Variants in ADAM8 observed in about 807,000 individuals in gnomAD.
ADAM8 encodes disintegrin and metalloproteinase domain-containing protein 8.
Under a neutral mutation model 102.4 loss-of-function variants are expected in ADAM8, and 104 were observed. That is an observed-to-expected ratio of 1.02 (90% confidence interval 0.87 to 1.20). ADAM8 has a LOEUF of 1.20. Ranked by LOEUF, ADAM8 falls within the 50% of genes most tolerant of loss-of-function variation. The pLI, the probability that ADAM8 is intolerant of heterozygous loss-of-function variation, is 0.00. For synonymous variants in ADAM8, 517 were observed against 485.2 expected, an observed-to-expected ratio of 1.07 and a Z score of -0.86; for missense variants, 1,132 against 1,159.0, an observed-to-expected ratio of 0.98 and a Z score of 0.34.
chr10:133,269,286 A>T (rs557758164), intron 18 of ADAM8, 159 bp downstream of exon 18: 3 of 840,536 alleles, frequency 3.6e-6, no homozygotes, highest in Admixed American at 1.2e-4. Context: ...CAGCCTGGGG[A>T]CAGACAGGCT....
chr10:133,272,641 G>A (rs1846579639), intron 8 of ADAM8, 56 bp from the exon 9 acceptor site: 1 of 1,563,330 alleles, frequency 6.4e-7, no homozygotes, highest in East Asian at 2.3e-5. Flanking sequence ...GTACAGCAGG[G>A]AGGGTGGGTG....
chr10:133,270,019 C>A (rs1190586618), intron 16 of ADAM8, 45 bp from the exon 17 acceptor site: 3 of 1,595,844 alleles, frequency 1.9e-6, no homozygotes, highest in African/African-American at 2.7e-5. Context: ...TGGACCTCTG[C>A]CCCGCCAGCG....
At chr10:133,275,352 G>A in intron 2 of ADAM8, 132 bp downstream of exon 2, 2 of 651,002 alleles carry the variant, frequency 3.1e-6, no homozygotes, top group Non-Finnish European at 5.2e-6. Flanking sequence ...ATGGGCCCCA[G>A]GGGGCTAGAG....
rs1358584829 is a variant in ADAM8 at position 133,262,587 on chromosome 10, C to G, written c.*569G>C. 1.3e-5 allele frequency: 2 copies of G among 153,714 alleles called. No individual in the cohort carries two copies. The highest frequency in any genetic ancestry group is 2.9e-5 in the Non-Finnish European group (2 of 68,858). 9.5% of individuals were successfully genotyped at this position (153,714 alleles called of 1,614,324 possible). ...GGCGATTCCTAAGCTTAAACACACA[C>G]AAAGCTGGGGCTGTCCCTCTTGAAT... On this transcript the variant is annotated 3_prime_UTR_variant, in exon 23 of 23. Coordinates refer to ENST00000445355, the MANE Select transcript of ADAM8 (RefSeq NM_001109.5).
Position 133,272,176 on chromosome 10 carries a change from G to A in ADAM8, c.957+17C>T. ...CTCTGGCCTCGGCCTGGCAAACCCGGGCAGGAGCCCCCTCACCTGGTTCAC... is the reference window on the plus strand; with the variant it reads ...CTCTGGCCTCGGCCTGGCAAACCCGAGCAGGAGCCCCCTCACCTGGTTCAC... On this transcript the variant is annotated intron_variant, in intron 10 of 22. Coordinates refer to ENST00000445355, the MANE Select transcript of ADAM8 (RefSeq NM_001109.5). 6.5e-7 allele frequency: 1 copy of A among 1,549,688 alleles called. No individual in the cohort carries two copies. The highest frequency in any genetic ancestry group is 8.7e-7 in the Non-Finnish European group (1 of 1,146,570).
chr10:133,271,427 C>G, intron 12 of ADAM8, 101 bp downstream of exon 12: 1 of 1,471,680 alleles, frequency 6.8e-7, no homozygotes, highest in Non-Finnish European at 9.1e-7. Flanking sequence ...CCCACAGAGC[C>G]CCAAGTTCCA....
chr10:133,272,609 G>A (rs1488281352), intron 8 of ADAM8, 24 bp from the exon 9 acceptor site: 2 of 1,592,142 alleles, frequency 1.3e-6, no homozygotes, highest in Admixed American at 1.7e-5. Context: ...GGAGTCCTGG[G>A]GGTCAGGCAG....
At chr10:133,273,564 G>A (rs912087620) in intron 5 of ADAM8, 121 bp from the exon 6 acceptor site, 49 of 1,319,106 alleles carry the variant, frequency 3.7e-5, no homozygotes, top group African/African-American at 1.3e-4. Flanking sequence ...GCAGCCCCCC[G>A]CAGGTGACTT....
chr10:133,263,710 G>A lies in ADAM8; in HGVS notation c.2375C>T (p.Ala792Val), dbSNP rs540669904. Reference protein sequence around the residue: ...PVPPVKPGAGAANPGPAEGAV... With the variant: ...PVPPVKPGAGVANPGPAEGAV... ...CACCTCAGCTGGACCAGGGTTGGCCGCACCAGCCCCGGGTTTGACTGGGGG... is the reference window on the plus strand; with the variant it reads ...CACCTCAGCTGGACCAGGGTTGGCCACACCAGCCCCGGGTTTGACTGGGGG... Residue 792 changes from alanine (A) to valine (V), a missense_variant, in exon 22 of 23, where the codon GCG becomes GTG. By Grantham distance (64) the Ala-to-Val change is moderately conservative. Transcript: ENST00000445355. 7.8e-5 allele frequency: 120 copies of A among 1,544,532 alleles called. 1 individual carries two copies. The South Asian group carries it at 1.3e-3, about 17-fold the overall frequency.
intron 1 of ADAM8, 34 bp from the exon 2 acceptor site, chr10:133,275,621 CG>C: frequency 1.3e-5 from 16 of 1,255,484 alleles, no homozygotes; most frequent in South Asian, 1.6e-5. Flanking sequence ...CATGAGGGGC[CG>C]GGGGGCAGGT....
In ADAM8 at chr10:133,273,375, C is replaced by T. The variant is rs530568859; in HGVS notation, c.452G>A (p.Arg151Gln). The stretch of plus-strand genomic sequence containing the variant: ...GTGCTCAGCCTGGTACACGGCGTGC[C>T]GTCCGCCCTCGCCACCTTCATCCAG... ...EPLDEGGEGG[R>Q]HAVYQAEHLL... Residue 151 changes from arginine (R) to glutamine (Q), a missense_variant, in exon 6 of 23, where the codon CGG (arginine) becomes CAG (glutamine). By Grantham distance (43) the Arg-to-Gln change is conservative (BLOSUM62 1). Coordinates refer to ENST00000445355, the MANE Select transcript of ADAM8 (RefSeq NM_001109.5). The T allele has an allele frequency of 2.6e-6, 4 of 1,552,362 alleles. No individual in the cohort carries two copies. The highest frequency in any genetic ancestry group is 2.7e-5 in the African/African-American group (2 of 73,324).
intron 21 of ADAM8, among the ~76,000 whole-genome samples, chr10:133,264,602 A>G (rs143076468): frequency 0.024 from 3,583 of 152,296 alleles, 62 homozygotes; most frequent in Non-Finnish European, 0.036. Flanking sequence ...AGCCCGTGAG[A>G]GTGAAGAGTG....
intron 1 of ADAM8, 103 bp from the exon 2 acceptor site, chr10:133,275,690 C>T (rs997274702): frequency 3.2e-6 from 2 of 624,710 alleles, no homozygotes; most frequent in Middle Eastern, 4.1e-4. Context: ...GCTTGACCCT[C>T]CCCTGGGGAA....
In ADAM8 at chr10:133,270,169, G is replaced by A. The variant is rs560916494; in HGVS notation, c.1785+191C>T. 4.5e-4 allele frequency among the ~76,000 whole-genome samples: 69 copies of A among 152,312 alleles called. 1 individual carries two copies. In the South Asian group the frequency reaches 0.012, roughly 27 times the overall value. Reference sequence around the variant, plus strand: ...CCTGGGGCACGTGGCCGCCGGCGACGGCCATCAGATGAACTGAGAACCATG... The same window carrying A: ...CCTGGGGCACGTGGCCGCCGGCGACAGCCATCAGATGAACTGAGAACCATG... On this transcript the variant is annotated intron_variant, in intron 16 of 22. Coordinates refer to ENST00000445355, the MANE Select transcript of ADAM8 (RefSeq NM_001109.5).
chr10:133,267,351 C>A lies in ADAM8; in HGVS notation c.2319+1G>T. Reference sequence around the variant, plus strand: ...TTGGCCGCCCAATCACCACTGCTCACCTGCTTTGGTGCCTGCCGGGTGTAG... The same window carrying A: ...TTGGCCGCCCAATCACCACTGCTCAACTGCTTTGGTGCCTGCCGGGTGTAG... On this transcript the variant is annotated splice_donor_variant, in intron 21 of 22. Transcript: ENST00000445355. LOFTEE classifies it high-confidence loss of function. 6.2e-7 allele frequency: 1 copy of A among 1,607,340 alleles called. No individual in the cohort carries two copies. Among genetic ancestry groups the A allele is most frequent in the South Asian group, 1.1e-5 (1 of 89,230 alleles).
chr10:133,275,475 T>G lies in ADAM8; in HGVS notation c.150+9A>C. 1 of 1,532,090 alleles carries G rather than the reference T, an allele frequency of 6.5e-7. No homozygotes were observed. 94.9% of individuals were successfully genotyped at this position (1,532,090 alleles called of 1,614,324 possible). ...GCCAGGGACCCTCCCCAGGCCAGCTTAGACTCACCAAGTGGGAGGGCAGAG... is the reference window on the plus strand; with the variant it reads ...GCCAGGGACCCTCCCCAGGCCAGCTGAGACTCACCAAGTGGGAGGGCAGAG... On this transcript the variant is annotated intron_variant, in intron 2 of 22. Coordinates refer to ENST00000445355, the MANE Select transcript of ADAM8 (RefSeq NM_001109.5).
rs368126978 is a variant in ADAM8 at position 133,270,357 on chromosome 10, C to T, written c.1785+3G>A. On this transcript the variant is annotated splice_donor_region_variant and intron_variant, in intron 16 of 22. Transcript: ENST00000445355. ...TGGCGCGGCCTCTGAGCCAGGGGCT[C>T]ACCTTCTCTGGTCCACACCGGGTGC... 25 of 1,580,138 alleles carry T rather than the reference C, an allele frequency of 1.6e-5. No individual in the cohort carries two copies. The African/African-American group carries it at 3.2e-4, about 20-fold the overall frequency.
chr10:133,265,756 C>T (rs1476164837), intron 21 of ADAM8, among the ~76,000 whole-genome samples: 2 of 151,892 alleles, frequency 1.3e-5, no homozygotes, highest in Non-Finnish European at 2.9e-5. Context: ...TGAGATCGCG[C>T]CACTGCACTC....
chr10:133,263,739 TG>T lies in ADAM8; in HGVS notation c.2345del (p.Pro782GlnfsTer27). The T allele has an allele frequency of 3.9e-6, 6 of 1,532,960 alleles. No individual in the cohort carries two copies. Among genetic ancestry groups the T allele is most frequent in the East Asian group, 2.5e-5 (1 of 40,118 alleles). 95.0% of individuals were successfully genotyped at this position (1,532,960 alleles called of 1,614,324 possible). A position where few individuals can be genotyped will look rare whatever the true frequency, so the allele number is the denominator to read the frequency against. On this transcript the variant is annotated frameshift_variant, in exon 22 of 23. Transcript: ENST00000445355. LOFTEE classifies it high-confidence loss of function. Reference protein sequence around the residue: ...KQVIKPTFAPPVPPVKPGAGA... With the variant: ...KQVIKPTFAPXVPPVKPGAGA... ...CAGCCCCGGGTTTGACTGGGGGCAC[TG>T]GGGGTGCGAACGTTGGCTTGATGAC...
Sources: allele counts gnomAD v4.1 joint callset (sites outside exome capture counted in the v4.1 genomes callset), GRCh38; gene constraint gnomAD v4.1.1; transcripts MANE v1.5; gene names NCBI Gene and HGNC (gene_info 2026-07-23, HGNC 2026-07-21).